Variants in JAKMIP2 observed in about 807,000 individuals in gnomAD.
The protein encoded by JAKMIP2 is janus kinase and microtubule-interacting protein 2.
Under a neutral mutation model 115.0 loss-of-function variants are expected in JAKMIP2, and 25 were observed. That is an observed-to-expected ratio of 0.22 (90% CI 0.16 to 0.30). JAKMIP2 has a LOEUF of 0.30. JAKMIP2 is among the 10% of genes least tolerant of loss of function. The pLI is 1.00. For synonymous variants in JAKMIP2, 334 were observed against 343.6 expected, an observed-to-expected ratio of 0.97 and a Z score of 0.31; for missense variants, 642 against 957.6, an observed-to-expected ratio of 0.67 and a Z score of 4.35.
chr5:147,666,832 A>G (rs1374261772), intron 2 of JAKMIP2, among the ~76,000 whole-genome samples: 1 of 152,172 alleles, frequency 6.6e-6, no homozygotes, highest in African/African-American at 2.4e-5. Context: ...GATATAGGCA[A>G]TGGATCAAAA....
chr5:147,667,374 C>T (rs1396508119), intron 2 of JAKMIP2, among the ~76,000 whole-genome samples: 2 of 152,172 alleles, frequency 1.3e-5, no homozygotes, highest in Non-Finnish European at 2.9e-5. Context: ...TCTATTCTGT[C>T]CTACTTCTGG....
intron 3 of JAKMIP2, among the ~76,000 whole-genome samples, chr5:147,652,557 T>G (rs1359649800): frequency 6.6e-6 from 1 of 152,010 alleles, no homozygotes; most frequent in Non-Finnish European, 1.5e-5. Context: ...GAGCTTGGGG[T>G]AGGGGTAGGC....
intron 20 of JAKMIP2, among the ~76,000 whole-genome samples, chr5:147,609,237 T>C (rs1359115554): frequency 6.6e-6 from 1 of 152,222 alleles, no homozygotes; most frequent in Non-Finnish European, 1.5e-5. Flanking sequence ...GCTGGTTGTT[T>C]TGCCCATTAG....
At chr5:147,745,959 A>T (rs1754332709) in intron 1 of JAKMIP2, among the ~76,000 whole-genome samples, 1 of 152,204 alleles carries the variant, frequency 6.6e-6, no homozygotes, top group Non-Finnish European at 1.5e-5. Flanking sequence ...ACAATATTAT[A>T]TATAATTACA....
chr5:147,764,963 AGAGGGG>A (rs1561582682), intron 1 of JAKMIP2, among the ~76,000 whole-genome samples: 3 of 74,648 alleles, frequency 4.0e-5, no homozygotes, highest in East Asian at 4.5e-4. Context: ...AGAGAGAGAG[AGAGGGG>A]GAGAGAGAGA....
At chr5:147,774,972 A>G (rs1237607318) in intron 1 of JAKMIP2, among the ~76,000 whole-genome samples, 2 of 152,182 alleles carry the variant, frequency 1.3e-5, no homozygotes, top group African/African-American at 2.4e-5. Flanking sequence ...GTCAGCTAAA[A>G]TTTGTCAGAT....
At chr5:147,685,216 A>T (rs1760509866) in intron 1 of JAKMIP2, among the ~76,000 whole-genome samples, 1 of 152,194 alleles carries the variant, frequency 6.6e-6, no homozygotes, top group Non-Finnish European at 1.5e-5. Flanking sequence ...AAAAGTCTGT[A>T]TAATGTGCTC....
At chr5:147,672,894 G>A (rs1759700739) in intron 1 of JAKMIP2, among the ~76,000 whole-genome samples, 1 of 152,168 alleles carries the variant, frequency 6.6e-6, no homozygotes, top group Admixed American at 6.5e-5. Flanking sequence ...TGTGGTTGAT[G>A]GGCACTAATA....
At chr5:147,720,364 T>A (rs924477862) in intron 1 of JAKMIP2, among the ~76,000 whole-genome samples, 5 of 149,940 alleles carry the variant, frequency 3.3e-5, no homozygotes, top group African/African-American at 1.2e-4. Context: ...TTTGTGGCGT[T>A]CTCTGTATTT....
intron 4 of JAKMIP2, among the ~76,000 whole-genome samples, chr5:147,649,217 C>T (rs1163852755): frequency 6.6e-6 from 1 of 152,148 alleles, no homozygotes; most frequent in Non-Finnish European, 1.5e-5. Context: ...GTTTCAAATA[C>T]ATTATATCCC....
chr5:147,637,437 A>ATTTTTTTTTTTTTTTTTTTTTTTTTTT lies in JAKMIP2; in HGVS notation c.1531-390_1531-389insAAAAAAAAAAAAAAAAAAAAAAAAAAA, dbSNP rs34831610. Reference sequence around the variant, plus strand: ...CATTTTGCCTCCCCAAATTCTTTTGATTTTTTTTTTTTTTTTTTTTGAGAC... The same window carrying ATTTTTTTTTTTTTTTTTTTTTTTTTTT: ...CATTTTGCCTCCCCAAATTCTTTTGATTTTTTTTTTTTTTTTTTTTTTTTTTTTTTTTTTTTTTTTTTTTTTTGAGAC... On this transcript the variant is annotated intron_variant, in intron 10 of 21. Coordinates refer to ENST00000616793, the MANE Select transcript of JAKMIP2 (RefSeq NM_001270941.2). Among the ~76,000 whole-genome samples the ATTTTTTTTTTTTTTTTTTTTTTTTTTT allele has an allele frequency of 6.8e-4, 54 of 79,304 alleles. 7 individuals carry two copies. Among genetic ancestry groups the ATTTTTTTTTTTTTTTTTTTTTTTTTTT allele is most frequent in the East Asian group, 4.5e-3 (10 of 2,244 alleles). 52.0% of individuals were successfully genotyped at this position (79,304 alleles called of 152,430 possible). A position where few individuals can be genotyped will look rare whatever the true frequency, so the allele number is the denominator to read the frequency against.
intron 1 of JAKMIP2, among the ~76,000 whole-genome samples, chr5:147,700,210 C>G (rs1459260440): frequency 1.3e-5 from 2 of 150,616 alleles, no homozygotes; most frequent in Non-Finnish European, 3.0e-5. Flanking sequence ...ACAAACTATA[C>G]TAAAAATAGT....
chr5:147,762,359 T>A (rs973226920), intron 1 of JAKMIP2, among the ~76,000 whole-genome samples: 1 of 152,180 alleles, frequency 6.6e-6, no homozygotes, highest in African/African-American at 2.4e-5. Flanking sequence ...TATTTAATGA[T>A]TGGGCTGTGT....
chr5:147,673,247 G>C (rs774049604), intron 1 of JAKMIP2, among the ~76,000 whole-genome samples: 14 of 152,184 alleles, frequency 9.2e-5, no homozygotes, highest in Non-Finnish European at 1.5e-4. Context: ...CAGAAAAATA[G>C]GAATACTAAA....
chr5:147,657,212 G>A (rs929639292), intron 3 of JAKMIP2, among the ~76,000 whole-genome samples: 8 of 152,096 alleles, frequency 5.3e-5, no homozygotes, highest in Admixed American at 1.3e-4. Flanking sequence ...CCCGGGAGGC[G>A]GAGCTTGCAG....
At chr5:147,700,979 T>C (rs1266230303) in intron 1 of JAKMIP2, among the ~76,000 whole-genome samples, 1 of 152,102 alleles carries the variant, frequency 6.6e-6, no homozygotes, top group East Asian at 1.9e-4. Context: ...ATGTATGTGG[T>C]TGGAGGAAGG....
At chr5:147,701,566 T>C (rs76243032) in intron 1 of JAKMIP2, among the ~76,000 whole-genome samples, 3,234 of 152,282 alleles carry the variant, frequency 0.021, 146 homozygotes, top group African/African-American at 0.072. Flanking sequence ...TTTCAGCCAA[T>C]ATGTTTCAAC....
chr5:147,624,460 G>A (rs1055035879), intron 16 of JAKMIP2, among the ~76,000 whole-genome samples: 11 of 152,158 alleles, frequency 7.2e-5, no homozygotes, highest in Non-Finnish European at 1.6e-4. Context: ...AAGAAGGCCA[G>A]GTACACTGGA....
At chr5:147,722,161 C>T (rs1439095548) in intron 1 of JAKMIP2, among the ~76,000 whole-genome samples, 1 of 152,146 alleles carries the variant, frequency 6.6e-6, no homozygotes, top group Non-Finnish European at 1.5e-5. Context: ...AAAAATCAAC[C>T]GATTGCTGTT....
Sources: gnomAD v4.1 joint callset for allele counts (sites outside exome capture counted in the v4.1 genomes callset) on GRCh38, gnomAD v4.1.1 for gene constraint, MANE v1.5 for transcripts, NCBI Gene and HGNC (gene_info 2026-07-23, HGNC 2026-07-21) for gene names.